Variants in GREB1L observed in about 807,000 individuals in gnomAD.
The protein encoded by GREB1L is GREB1 like retinoic acid receptor coactivator, also known as GREB1-like protein.
A neutral mutation model predicts 200.8 loss-of-function variants in GREB1L; 17 were observed. The observed-to-expected ratio is 0.08, with a 90% CI of 0.06 to 0.13. GREB1L has a LOEUF of 0.13. GREB1L is among the 10% of genes least tolerant of loss of function. The pLI is 1.00. For synonymous variants in GREB1L, 789 were observed against 893.0 expected, an observed-to-expected ratio of 0.88 and a Z score of 2.08; for missense variants, 1,657 against 2,367.7, an observed-to-expected ratio of 0.70 and a Z score of 6.23.
chr18:21,454,699 T>A, intron 15 of GREB1L, 136 bp downstream of exon 15: 1 of 730,132 alleles, frequency 1.4e-6, no homozygotes, highest in Non-Finnish European at 2.4e-6. Context: ...AAGCACTTTG[T>A]TATTTTGGGT....
At chr18:21,465,341 G>A (rs184495796) in intron 15 of GREB1L, among the ~76,000 whole-genome samples, 31 of 152,164 alleles carry the variant, frequency 2.0e-4, no homozygotes, top group East Asian at 3.9e-4. Flanking sequence ...ACTGAAACTC[G>A]AATATGGGCT....
At chr18:21,520,230 C>T (rs963353901) in intron 31 of GREB1L, among the ~76,000 whole-genome samples, 2 of 151,902 alleles carry the variant, frequency 1.3e-5, no homozygotes, top group South Asian at 2.1e-4. Context: ...CGTGAGCCAC[C>T]GCACCCAGCC....
At chr18:21,245,806 C>A (rs1377419928) in intron 1 of GREB1L, among the ~76,000 whole-genome samples, 1 of 152,190 alleles carries the variant, frequency 6.6e-6, no homozygotes, top group African/African-American at 2.4e-5. Context: ...CAAGCTCCGC[C>A]TTCCGGGTTC....
At chr18:21,412,452 T>C (rs2031164210) in intron 7 of GREB1L, among the ~76,000 whole-genome samples, 1 of 152,042 alleles carries the variant, frequency 6.6e-6, no homozygotes, top group Non-Finnish European at 1.5e-5. Flanking sequence ...AAATAGCATA[T>C]GGCAATGAAA....
chr18:21,485,602 C>T lies in GREB1L; in HGVS notation c.2557-18C>T, dbSNP rs905213492. ...GTATCCTGTCCTCATTGGGTTTTTG[C>T]TCTGTATTTTGAACCAGGAGGACGT... On this transcript the variant is annotated intron_variant, in intron 17 of 32. Transcript: ENST00000424526. The T allele has an allele frequency of 1.3e-6, 2 of 1,548,178 alleles. No homozygotes were observed. Among genetic ancestry groups the T allele is most frequent in the Non-Finnish European group, 1.7e-6 (2 of 1,145,464 alleles).
chr18:21,380,082 T>C (rs2040241382), intron 2 of GREB1L, among the ~76,000 whole-genome samples: 1 of 152,210 alleles, frequency 6.6e-6, no homozygotes, highest in African/African-American at 2.4e-5. Context: ...ATCAGAAAAG[T>C]TGCCAAAATA....
intron 1 of GREB1L, among the ~76,000 whole-genome samples, chr18:21,335,807 G>T (rs2039176528): frequency 6.6e-6 from 1 of 151,846 alleles, no homozygotes; most frequent in Admixed American, 6.6e-5. Context: ...GGGACTACAG[G>T]CGCCTGCTAC....
At chr18:21,306,551 A>G (rs1598645536) in intron 1 of GREB1L, among the ~76,000 whole-genome samples, 1 of 152,238 alleles carries the variant, frequency 6.6e-6, no homozygotes, top group East Asian at 1.9e-4. Flanking sequence ...CTCCTTGCAG[A>G]TAAGAGTCTG....
chr18:21,431,314 C>T (rs1009786345), intron 7 of GREB1L, among the ~76,000 whole-genome samples: 5 of 152,140 alleles, frequency 3.3e-5, no homozygotes, highest in Non-Finnish European at 2.9e-5. Context: ...CGTCAGCCAC[C>T]GCATCCAACC....
chr18:21,310,328 G>A (rs2038771157), intron 1 of GREB1L, among the ~76,000 whole-genome samples: 1 of 152,214 alleles, frequency 6.6e-6, no homozygotes, highest in Non-Finnish European at 1.5e-5. Context: ...CCAGCACTTT[G>A]GGAGGCAGAG....
At chr18:21,484,070 A>C (rs2036027556) in intron 17 of GREB1L, among the ~76,000 whole-genome samples, 1 of 151,726 alleles carries the variant, frequency 6.6e-6, no homozygotes, top group Non-Finnish European at 1.5e-5. Context: ...CATTTTAGGG[A>C]ATACTTACTT....
chr18:21,501,003 G>A (rs1327647471), intron 23 of GREB1L, among the ~76,000 whole-genome samples: 1 of 150,706 alleles, frequency 6.6e-6, no homozygotes, highest in East Asian at 2.0e-4. Context: ...CAGGAGGCGG[G>A]TTGCAGTGAG....
At chr18:21,289,724 A>G (rs1349752274) in intron 1 of GREB1L, among the ~76,000 whole-genome samples, 3 of 152,216 alleles carry the variant, frequency 2.0e-5, no homozygotes, top group South Asian at 2.1e-4. Context: ...TTGGAGGACA[A>G]ATGTACAGTC....
At chr18:21,343,482 C>T (rs1253334295) in intron 1 of GREB1L, among the ~76,000 whole-genome samples, 1 of 152,124 alleles carries the variant, frequency 6.6e-6, no homozygotes, top group African/African-American at 2.4e-5. Flanking sequence ...TTAAAGGTCT[C>T]CCAAAGGTCA....
chr18:21,496,742 C>A, intron 21 of GREB1L, 44 bp downstream of exon 21: 1 of 1,537,814 alleles, frequency 6.5e-7, no homozygotes, highest in South Asian at 1.2e-5. Context: ...AGACATGAGT[C>A]AGGAGGTGTG....
At chr18:21,330,202 T>G (rs1598663905) in intron 1 of GREB1L, among the ~76,000 whole-genome samples, 1 of 152,170 alleles carries the variant, frequency 6.6e-6, no homozygotes, top group Non-Finnish European at 1.5e-5. Context: ...GTCCTAACCA[T>G]GCCAAGGGCA....
intron 1 of GREB1L, among the ~76,000 whole-genome samples, chr18:21,335,602 G>A (rs1467260979): frequency 5.3e-5 from 8 of 151,840 alleles, no homozygotes; most frequent in Non-Finnish European, 1.5e-5. Context: ...CAGCTGTTGA[G>A]CATTTAAACT....
chr18:21,510,903 T>G (rs1265421437), intron 27 of GREB1L, among the ~76,000 whole-genome samples: 1 of 152,202 alleles, frequency 6.6e-6, no homozygotes. Context: ...CCCTAATGAT[T>G]AGTAATATTG....
intron 1 of GREB1L, among the ~76,000 whole-genome samples, chr18:21,351,760 G>T (rs1319417827): frequency 6.6e-6 from 1 of 152,240 alleles, no homozygotes; most frequent in Non-Finnish European, 1.5e-5. Flanking sequence ...TCATCCTGCA[G>T]GTTATCAGTT....
Sources: gnomAD v4.1 joint callset for allele counts (sites outside exome capture counted in the v4.1 genomes callset) on GRCh38, gnomAD v4.1.1 for gene constraint, MANE v1.5 for transcripts, NCBI Gene and HGNC (gene_info 2026-07-23, HGNC 2026-07-21) for gene names.